DNAH3: variants seen among roughly 807,000 people sequenced by gnomAD.
The protein encoded by DNAH3 is dynein axonemal heavy chain 3, also known as axonemal beta dynein heavy chain 3.
DNAH3 carries 332 observed loss-of-function variants against 432.5 expected under a neutral mutation model. The observed-to-expected ratio is 0.77, with a 90% CI of 0.70 to 0.84. The LOEUF is 0.84. DNAH3 is among the 40% of genes least tolerant of loss of function. The pLI is 0.00. For synonymous variants in DNAH3, 1,956 were observed against 1,900.2 expected, an observed-to-expected ratio of 1.03 and a Z score of -0.76; for missense variants, 4,861 against 5,114.0, an observed-to-expected ratio of 0.95 and a Z score of 1.51.
At chr16:21,139,772 CATTCT>C (rs1385623315) in intron 5 of DNAH3, among the ~76,000 whole-genome samples, 1 of 104,814 alleles carries the variant, frequency 9.5e-6, no homozygotes, top group Non-Finnish European at 1.8e-5. Flanking sequence ...CCAGCCACCT[CATTCT>C]TTTTTTTTTT....
chr16:20,965,408 A>G (rs2085012022), exon 53 of DNAH3: 1 of 1,524,808 alleles, frequency 6.6e-7, no homozygotes. Context: ...ACCCCCCAGT[A>G]ATCTTCTATC....
At chr16:20,986,069 G>A (rs1241502896) in intron 47 of DNAH3, among the ~76,000 whole-genome samples, 1 of 151,934 alleles carries the variant, frequency 6.6e-6, no homozygotes, top group African/African-American at 2.4e-5. Context: ...TGGCCAGGCT[G>A]GTCCTGAAAC....
intron 24 of DNAH3, among the ~76,000 whole-genome samples, chr16:21,067,042 G>GA (rs1455415733): frequency 2.0e-5 from 3 of 152,150 alleles, no homozygotes; most frequent in African/African-American, 7.2e-5. Context: ...CCGTAATTAG[G>GA]AAAAATAACA....
chr16:21,019,666 T>G, exon 41 of DNAH3: 1 of 1,614,156 alleles, frequency 6.2e-7, no homozygotes. Context: ...TTGACGCTTT[T>G]GGGCCTTGGG....
intron 48 of DNAH3, among the ~76,000 whole-genome samples, chr16:20,984,027 C>CAGAA (rs1555518714): frequency 3.6e-4 from 22 of 61,372 alleles, no homozygotes; most frequent in African/African-American, 1.4e-3. Context: ...ACCCTATATC[C>CAGAA]AGAAAAAAAA....
At chr16:21,028,319 C>T (rs1317997663) in intron 37 of DNAH3, among the ~76,000 whole-genome samples, 3 of 152,046 alleles carry the variant, frequency 2.0e-5, no homozygotes, top group Admixed American at 6.6e-5. Flanking sequence ...GCTAGGATCA[C>T]AAGCATAAGC....
chr16:20,991,587 T>C (rs1263273593), intron 44 of DNAH3, among the ~76,000 whole-genome samples: 1 of 152,212 alleles, frequency 6.6e-6, no homozygotes, highest in African/African-American at 2.4e-5. Flanking sequence ...TTAAGGTCTC[T>C]TTTTAATTTA....
At chr16:20,983,372 C>T (rs4783516) in intron 48 of DNAH3, among the ~76,000 whole-genome samples, 76,138 of 151,786 alleles carry the variant, frequency 0.5, 19,343 homozygotes, top group South Asian at 0.61. Context: ...GTGATCTGCC[C>T]GCCTCAGCCT....
intron 16 of DNAH3, among the ~76,000 whole-genome samples, chr16:21,103,274 T>G (rs886239292): frequency 3.0e-5 from 4 of 135,402 alleles, no homozygotes; most frequent in Non-Finnish European, 6.2e-5. Context: ...CTTACTCATG[T>G]AACCAAATAC....
chr16:20,963,458 G>T (rs762661332), exon 53 of DNAH3: 1 of 1,614,126 alleles, frequency 6.2e-7, no homozygotes. Flanking sequence ...AAACATCGAA[G>T]GATCACCATC....
At chr16:20,985,678 T>C (rs2086157246) in exon 48 of DNAH3, 3 of 1,614,096 alleles carry the variant, frequency 1.9e-6, no homozygotes, top group East Asian at 4.5e-5. Flanking sequence ...AATGTTATCA[T>C]CGACTATCTT....
chr16:21,134,502 T>G, intron 6 of DNAH3, 48 bp from the exon 8 acceptor site: 1 of 1,522,160 alleles, frequency 6.6e-7, no homozygotes, highest in African/African-American at 1.4e-5. Flanking sequence ...CTAAGGGTTG[T>G]GCTCTTAGCT....
intron 11 of DNAH3, among the ~76,000 whole-genome samples, chr16:21,117,811 G>A (rs2092241950): frequency 1.3e-5 from 2 of 152,148 alleles, no homozygotes; most frequent in African/African-American, 4.8e-5. Context: ...CTTGGCACTT[G>A]GTAAGTGCTC....
At chr16:20,966,199 G>A (rs534957295) in intron 52 of DNAH3, among the ~76,000 whole-genome samples, 116 of 149,754 alleles carry the variant, frequency 7.7e-4, no homozygotes, top group Middle Eastern at 3.5e-3. Flanking sequence ...CACCACACCC[G>A]GCTAATTTTT....
chr16:21,110,515 AG>A (rs2092045304), intron 14 of DNAH3, among the ~76,000 whole-genome samples: 6 of 152,180 alleles, frequency 3.9e-5, no homozygotes, highest in Middle Eastern at 3.2e-3. Flanking sequence ...AGGAAAGCCA[AG>A]CAGAGAGAGA....
intron 53 of DNAH3, among the ~76,000 whole-genome samples, chr16:20,959,989 T>C (rs1325877935): frequency 6.6e-5 from 10 of 152,100 alleles, no homozygotes; most frequent in Admixed American, 1.3e-4. Context: ...ACAAGAAATA[T>C]AAGCATTTGT....
chr16:21,060,669 C>T (rs750747473), intron 25 of DNAH3, among the ~76,000 whole-genome samples: 1 of 150,042 alleles, frequency 6.7e-6, no homozygotes, highest in African/African-American at 2.5e-5. Context: ...GGATTACAGG[C>T]GTGCACCACC....
intron 24 of DNAH3, among the ~76,000 whole-genome samples, chr16:21,065,325 T>C (rs976672251): frequency 1.7e-4 from 26 of 152,088 alleles, no homozygotes; most frequent in African/African-American, 6.0e-4. Context: ...CACGCCCAGC[T>C]GATTTTTGTA....
chr16:21,130,871 T>G (rs1424055728), intron 7 of DNAH3, among the ~76,000 whole-genome samples: 1 of 152,214 alleles, frequency 6.6e-6, no homozygotes, highest in Non-Finnish European at 1.5e-5. Flanking sequence ...AAGACTGACT[T>G]CCTCACTAGT....
Sources: gnomAD v4.1 joint callset for allele counts (sites outside exome capture counted in the v4.1 genomes callset) on GRCh38, gnomAD v4.1.1 for gene constraint, MANE v1.5 for transcripts, NCBI Gene and HGNC (gene_info 2026-07-23, HGNC 2026-07-21) for gene names.